ELK3: variants seen among roughly 807,000 people sequenced by gnomAD.
ELK3 encodes the protein ETS transcription factor ELK3.
A neutral mutation model predicts 28.9 loss-of-function variants in ELK3; 10 were observed. The observed-to-expected ratio is 0.35, with a 90% CI of 0.21 to 0.59. The LOEUF is 0.59. ELK3 is among the 20% of genes least tolerant of loss of function. ELK3 has a pLI of 0.82. For missense variants in ELK3, 463 were observed against 517.3 expected (o/e 0.90, Z 1.02); for synonymous variants, 272 against 243.5 (o/e 1.12, Z -1.09).
intron 2 of ELK3, among the ~76,000 whole-genome samples, chr12:96,227,611 A>AG (rs1951712516): frequency 6.7e-6 from 1 of 149,646 alleles, no homozygotes; most frequent in African/African-American, 2.5e-5. Flanking sequence ...CCATGCGGTC[A>AG]GAAAGGCCCC....
At chr12:96,229,002 T>C (rs1312095891) in intron 2 of ELK3, among the ~76,000 whole-genome samples, 2 of 152,252 alleles carry the variant, frequency 1.3e-5, no homozygotes, top group African/African-American at 4.8e-5. Flanking sequence ...GACTGTATTA[T>C]GTCGTAGCTG....
chr12:96,236,456 G>A (rs61938854), intron 2 of ELK3, among the ~76,000 whole-genome samples: 11,940 of 152,258 alleles, frequency 0.078, 590 homozygotes, highest in Non-Finnish European at 0.12. Context: ...AGAAAGCAAA[G>A]AAACCTCAAC....
intron 1 of ELK3, among the ~76,000 whole-genome samples, chr12:96,203,870 G>C (rs972499079): frequency 2.0e-5 from 3 of 152,188 alleles, no homozygotes; most frequent in Non-Finnish European, 2.9e-5. Context: ...GAACCCGGGC[G>C]GTGAAGCTTT....
At position 96,197,689 on chromosome 12, in the gene ELK3, C is replaced by T. The variant is rs570768660; in HGVS notation, c.-3+2984C>T. On this transcript the variant is annotated intron_variant, in intron 1 of 4. Transcript: ENST00000228741. The stretch of plus-strand genomic sequence containing the variant: ...GCACTTGGTACCAATGCTGTTGAGA[C>T]CAGAATGGCAGTAGTCCAGATAGGG... 8.5e-5 allele frequency among the ~76,000 whole-genome samples: 13 copies of T among 152,258 alleles called. No homozygotes were observed. In the East Asian group the frequency reaches 1.5e-3, roughly 18 times the overall value.
intron 4 of ELK3, among the ~76,000 whole-genome samples, chr12:96,261,194 A>G (rs1951990105): frequency 1.3e-5 from 2 of 152,078 alleles, no homozygotes; most frequent in Admixed American, 1.3e-4. Context: ...GGAGCTAAAG[A>G]GGTTTTGATT....
chr12:96,240,093 A>G (rs1951810279), intron 2 of ELK3, among the ~76,000 whole-genome samples: 2 of 152,214 alleles, frequency 1.3e-5, no homozygotes, highest in African/African-American at 4.8e-5. Context: ...ACAATATAAT[A>G]TAAGCCTTGT....
chr12:96,260,200 T>C (rs1168537897), intron 4 of ELK3, among the ~76,000 whole-genome samples: 1 of 152,134 alleles, frequency 6.6e-6, no homozygotes, highest in Non-Finnish European at 1.5e-5. Flanking sequence ...TCCCAGCACT[T>C]TGGGAGGTTG....
At chr12:96,237,415 GC>G (rs11462378) in intron 2 of ELK3, among the ~76,000 whole-genome samples, 1 of 151,994 alleles carries the variant, frequency 6.6e-6, no homozygotes, top group East Asian at 1.9e-4. Context: ...AGGTGAGCCT[GC>G]CCCCCAGACA....
Position 96,223,265 on chromosome 12 carries a change from C to T in ELK3, c.-2-300C>T, listed in dbSNP as rs946679915. 3.9e-5 allele frequency among the ~76,000 whole-genome samples: 6 copies of T among 152,256 alleles called. No individual in the cohort carries two copies. In the East Asian group the frequency reaches 1.2e-3, roughly 29 times the overall value. On this transcript the variant is annotated intron_variant, in intron 1 of 4. Transcript: ENST00000228741. ...GGACTCATTCTGCAAGTGGTCATGTCATTAATCATTGTTCTGCATCATTCC... is the reference window on the plus strand; with the variant it reads ...GGACTCATTCTGCAAGTGGTCATGTTATTAATCATTGTTCTGCATCATTCC...
At chr12:96,246,903 G>A (rs761066630) in intron 2 of ELK3, 37 bp from the exon 3 acceptor site, 11 of 1,548,700 alleles carry the variant, frequency 7.1e-6, no homozygotes, top group Non-Finnish European at 9.6e-6. Flanking sequence ...TTTCTCGGGT[G>A]CACTCAGATT....
intron 1 of ELK3, among the ~76,000 whole-genome samples, chr12:96,204,995 G>T (rs1404893763): frequency 6.6e-6 from 1 of 152,234 alleles, no homozygotes; most frequent in East Asian, 1.9e-4. Context: ...TTACGGATGT[G>T]GGCTGCAAGA....
chr12:96,204,618 A>G (rs907741794), intron 1 of ELK3, among the ~76,000 whole-genome samples: 1 of 152,206 alleles, frequency 6.6e-6, no homozygotes, highest in Non-Finnish European at 1.5e-5. Flanking sequence ...CAACATCAAA[A>G]TAAGCCCGAA....
Position 96,249,178 on chromosome 12 carries a change from T to C in ELK3, c.1002+1444T>C, listed in dbSNP as rs144680096. Among the ~76,000 whole-genome samples, 420 of 152,282 alleles carry C rather than the reference T, an allele frequency of 2.8e-3. 2 individuals are homozygous for C. Among genetic ancestry groups the C allele is most frequent in the African/African-American group, 9.2e-3 (381 of 41,566 alleles). ...CAGCCAATAGGTGGTAGAGGTGGCT[T>C]TGGATCCAGTGTCTGCCTCCAGAAT... On this transcript the variant is annotated intron_variant, in intron 3 of 4. Transcript: ENST00000228741.
intron 1 of ELK3, among the ~76,000 whole-genome samples, chr12:96,216,002 ATCAC>A (rs1424191014): frequency 6.6e-6 from 1 of 152,164 alleles, no homozygotes; most frequent in Non-Finnish European, 1.5e-5. Context: ...GCAGAAAATA[ATCAC>A]TCAGAGTCTG....
intron 3 of ELK3, among the ~76,000 whole-genome samples, chr12:96,254,496 C>T (rs1951932146): frequency 1.3e-5 from 2 of 151,918 alleles, no homozygotes; most frequent in African/African-American, 4.8e-5. Context: ...TACAAGTGCA[C>T]ACACACACAC....
Position 96,259,788 on chromosome 12 carries a change from A to T in ELK3, c.1060A>T (p.Ser354Cys), listed in dbSNP as rs1384645921. The T allele has an allele frequency of 1.9e-6, 3 of 1,611,476 alleles. No individual in the cohort carries two copies. The highest frequency in any genetic ancestry group is 3.3e-5 in the Admixed American group (2 of 59,922). ...SPLLSSIHFW[S>C]SLSPVAPLSP... ...ACTGCTCTCCAGCATACATTTCTGG[A>T]GCAGCCTTAGTCCAGTTGCTCCGCT... Residue 354 changes from serine to cysteine, a missense_variant, in exon 4 of 5, where the codon AGC (serine) becomes TGC (cysteine). By Grantham distance (112) the Ser-to-Cys change is moderately radical. Transcript: ENST00000228741.
intron 1 of ELK3, among the ~76,000 whole-genome samples, chr12:96,220,347 C>T (rs2268507): frequency 0.36 from 53,262 of 149,776 alleles, 10,082 homozygotes; most frequent in East Asian, 0.58. Flanking sequence ...TGTGATCAGC[C>T]GATCCCTCCA....
chr12:96,215,650 T>A (rs1336362377), intron 1 of ELK3, among the ~76,000 whole-genome samples: 13 of 120,402 alleles, frequency 1.1e-4, no homozygotes, highest in African/African-American at 3.5e-5. Flanking sequence ...TTTTTTTTTT[T>A]AAAGAGAGAT....
chr12:96,217,937 CAAAAAAAA>C (rs34565681), intron 1 of ELK3, among the ~76,000 whole-genome samples: 31 of 85,748 alleles, frequency 3.6e-4, no homozygotes, highest in African/African-American at 1.2e-3. Context: ...GACGCCGTCT[CAAAAAAAA>C]AAAAAAAAAA....
Sources: allele counts gnomAD v4.1 joint callset (sites outside exome capture counted in the v4.1 genomes callset), GRCh38; gene constraint gnomAD v4.1.1; transcripts MANE v1.5; gene names NCBI Gene and HGNC (gene_info 2026-07-23, HGNC 2026-07-21).